The following NTM variants were observed in gnomAD, a reference collection of about 807,000 sequenced individuals.
NTM encodes the protein neurotrimin.
Under a neutral mutation model 42.1 loss-of-function variants are expected in NTM, and 13 were observed. The ratio of observed to expected loss-of-function variants is 0.31; its 90% CI spans 0.20 to 0.49. The LOEUF (loss-of-function observed/expected upper bound fraction) is 0.49. NTM is among the 20% of genes least tolerant of loss of function. The pLI is 0.99. For missense variants in NTM, 373 were observed against 452.8 expected (o/e 0.82, Z 1.60); for synonymous variants, 187 against 179.2 (o/e 1.04, Z -0.35).
At chr11:131,962,083 G>T (rs1269899261) in intron 2 of NTM, among the ~76,000 whole-genome samples, 2 of 152,096 alleles carry the variant, frequency 1.3e-5, no homozygotes, top group Non-Finnish European at 2.9e-5. Context: ...ACACCCATCA[G>T]ATTCCCTTCA....
Position 132,019,149 on chromosome 11 carries a change from A to T in NTM, c.167+107501A>T, listed in dbSNP as rs367977052. 2.9e-4 allele frequency among the ~76,000 whole-genome samples: 43 copies of T among 150,058 alleles called. 2 individuals are homozygous for T. The highest frequency in any genetic ancestry group is 9.8e-4 in the African/African-American group (40 of 40,802). On this transcript the variant is annotated intron_variant, in intron 2 of 8. Coordinates refer to ENST00000683400, the MANE Select transcript of NTM (RefSeq NM_001352005.2). Reference sequence around the variant, plus strand: ...CTTCTTGTTTTATTGACTTTCCCTAATTTTTTTGTTTTTTTTCATTCTCTT... The same window carrying T: ...CTTCTTGTTTTATTGACTTTCCCTATTTTTTTTGTTTTTTTTCATTCTCTT...
At chr11:131,797,008 T>C in intron 1 of NTM, among the ~76,000 whole-genome samples, 1 of 152,232 alleles carries the variant, frequency 6.6e-6, no homozygotes, top group Admixed American at 6.5e-5. Flanking sequence ...GTAAAGCACT[T>C]AATTGTTTAA....
At position 131,464,784 on chromosome 11, in the gene NTM, C is replaced by T. The variant is rs147311553; in HGVS notation, c.82+93896C>T. On this transcript the variant is annotated intron_variant, in intron 1 of 8. Coordinates refer to ENST00000683400, the MANE Select transcript of NTM (RefSeq NM_001352005.2). The stretch of plus-strand genomic sequence containing the variant: ...ATCTGTCAGTGTCCAAGCGGGTCTG[C>T]GAGGGATCTAGGAGAGCCACAAGCA... Among the ~76,000 whole-genome samples, 753 of 152,280 alleles carry T rather than the reference C, an allele frequency of 4.9e-3. 4 individuals are homozygous for T. The highest frequency in any genetic ancestry group is 0.017 in the African/African-American group (715 of 41,556).
chr11:131,797,188 A>G (rs2091657037), intron 1 of NTM, among the ~76,000 whole-genome samples: 1 of 152,204 alleles, frequency 6.6e-6, no homozygotes, highest in South Asian at 2.1e-4. Flanking sequence ...CTAGTGAGGT[A>G]TGTTTTTCGT....
chr11:131,569,945 C>T (rs2057298405), intron 1 of NTM, among the ~76,000 whole-genome samples: 1 of 152,268 alleles, frequency 6.6e-6, no homozygotes, highest in African/African-American at 2.4e-5. Context: ...CATGCTCACA[C>T]TTTCCAGCCT....
At chr11:132,326,319 A>C (rs2095682371) in intron 7 of NTM, among the ~76,000 whole-genome samples, 1 of 152,132 alleles carries the variant, frequency 6.6e-6, no homozygotes, top group Admixed American at 6.5e-5. Context: ...AGGAAATTGG[A>C]GCTTTTGAAA....
chr11:132,023,350 A>G (rs2074634725), intron 2 of NTM, among the ~76,000 whole-genome samples: 2 of 152,232 alleles, frequency 1.3e-5, no homozygotes, highest in African/African-American at 4.8e-5. Flanking sequence ...ATGGCAAACA[A>G]ACACAAGTAA....
At chr11:131,752,798 A>T (rs200683126) in intron 1 of NTM, among the ~76,000 whole-genome samples, 1 of 104,850 alleles carries the variant, frequency 9.5e-6, no homozygotes, top group African/African-American at 3.4e-5. Flanking sequence ...CTAGAAGAAA[A>T]CCGCGCATTA....
chr11:132,030,942 C>A (rs1253781182), intron 2 of NTM, among the ~76,000 whole-genome samples: 1 of 152,170 alleles, frequency 6.6e-6, no homozygotes, highest in Non-Finnish European at 1.5e-5. Context: ...TGGGCTCAGG[C>A]TTCTTCCACA....
intron 2 of NTM, among the ~76,000 whole-genome samples, chr11:132,136,761 T>C (rs1436945812): frequency 6.6e-6 from 1 of 152,134 alleles, no homozygotes; most frequent in African/African-American, 2.4e-5. Context: ...GTTCTAAGTA[T>C]GGATGGTGCT....
At chr11:132,151,567 T>C (rs972239526) in intron 3 of NTM, among the ~76,000 whole-genome samples, 1 of 152,224 alleles carries the variant, frequency 6.6e-6, no homozygotes, top group Non-Finnish European at 1.5e-5. Context: ...TCTTTGTCAG[T>C]TTTCCAGGCC....
intron 1 of NTM, among the ~76,000 whole-genome samples, chr11:131,596,889 G>A (rs1295260658): frequency 6.6e-6 from 1 of 152,202 alleles, no homozygotes; most frequent in Non-Finnish European, 1.5e-5. Context: ...TGCAGGCTGA[G>A]GAGCAAAGAG....
At chr11:131,485,238 T>C (rs1954039564) in intron 1 of NTM, among the ~76,000 whole-genome samples, 1 of 152,110 alleles carries the variant, frequency 6.6e-6, no homozygotes, top group South Asian at 2.1e-4. Flanking sequence ...AATGCAAACC[T>C]ATGGTCCTCT....
intron 3 of NTM, among the ~76,000 whole-genome samples, chr11:132,167,736 A>G (rs974272354): frequency 6.6e-6 from 1 of 152,212 alleles, no homozygotes; most frequent in Non-Finnish European, 1.5e-5. Flanking sequence ...AATGACAGGA[A>G]ACACAATGAG....
At chr11:131,982,837 C>A (rs1436853516) in intron 2 of NTM, among the ~76,000 whole-genome samples, 2 of 152,120 alleles carry the variant, frequency 1.3e-5, no homozygotes, top group Non-Finnish European at 2.9e-5. Flanking sequence ...CCAATTTAAT[C>A]AAGGCAAGAT....
intron 4 of NTM, among the ~76,000 whole-genome samples, chr11:132,281,086 TA>T (rs1169189171): frequency 6.6e-6 from 1 of 152,242 alleles, no homozygotes; most frequent in Non-Finnish European, 1.5e-5. Context: ...TTATTTGGCA[TA>T]TGCTGCTTTG....
intron 7 of NTM, among the ~76,000 whole-genome samples, chr11:132,329,745 C>T (rs2095760818): frequency 6.6e-6 from 1 of 152,224 alleles, no homozygotes; most frequent in South Asian, 2.1e-4. Flanking sequence ...GACCTACAGG[C>T]TTCAACTAAT....
In NTM at chr11:131,862,853, A is replaced by G. The variant is rs181564163; in HGVS notation, c.83-48711A>G. On this transcript the variant is annotated intron_variant, in intron 1 of 8. Transcript: ENST00000683400. The stretch of plus-strand genomic sequence containing the variant: ...ATAGAGACAATCTCTCAAGCCTTTC[A>G]GAGCGGAGAGAGGAAGTCTGGTTGC... Among the ~76,000 whole-genome samples, 613 of 152,334 alleles carry G rather than the reference A, an allele frequency of 4.0e-3. 4 individuals carry two copies. The highest frequency in any genetic ancestry group is 0.014 in the African/African-American group (575 of 41,592).
intron 1 of NTM, among the ~76,000 whole-genome samples, chr11:131,456,656 T>C (rs1185420709): frequency 1.3e-5 from 2 of 152,168 alleles, no homozygotes; most frequent in Non-Finnish European, 2.9e-5. Context: ...CTTGATATCA[T>C]GAATAATGTT....
Sources: gnomAD v4.1 joint callset for allele counts (sites outside exome capture counted in the v4.1 genomes callset) on GRCh38, gnomAD v4.1.1 for gene constraint, MANE v1.5 for transcripts, NCBI Gene and HGNC (gene_info 2026-07-23, HGNC 2026-07-21) for gene names.